Variants in SGIP1 observed in about 807,000 individuals in gnomAD.
SGIP1 encodes SH3GL interacting endocytic adaptor 1, also known as SH3-containing GRB2-like protein 3-interacting protein 1.
A neutral mutation model predicts 107.5 loss-of-function variants in SGIP1; 38 were observed. That is an observed-to-expected ratio of 0.35 (90% CI 0.27 to 0.46). The LOEUF is 0.46. SGIP1 is among the 20% of genes least tolerant of loss of function. SGIP1 has a pLI of 1.00. For synonymous variants in SGIP1, 365 were observed against 366.1 expected (o/e 1.00, Z 0.03); for missense variants, 929 against 1,019.5 (o/e 0.91, Z 1.21).
At position 66,741,426 on chromosome 1, in the gene SGIP1, G is replaced by A; in HGVS notation, c.2454G>A (p.Arg818=). 6.3e-7 allele frequency: 1 copy of A among 1,577,194 alleles called. No individual in the cohort carries two copies. The part of the protein sequence containing the change: ...AGYRFSLIKK[R]FAAGKYLADN ...ATCGATTTTCACTCATCAAGAAAAGGTTTGCTGCAGGTAAATGAGTATCTT... is the reference window on the plus strand; with the variant it reads ...ATCGATTTTCACTCATCAAGAAAAGATTTGCTGCAGGTAAATGAGTATCTT... The change falls in exon 24 of 25, where the codon AGG becomes AGA. Residue 818 remains arginine, a synonymous_variant. Coordinates refer to ENST00000371037, the MANE Select transcript of SGIP1 (RefSeq NM_032291.4).
chr1:66,717,698 T>C (rs2093322020), intron 18 of SGIP1, among the ~76,000 whole-genome samples: 1 of 152,174 alleles, frequency 6.6e-6, no homozygotes, highest in Non-Finnish European at 1.5e-5. Context: ...GTGCCAATCT[T>C]AAACTTTATG....
At chr1:66,728,311 A>G (rs922758384) in intron 19 of SGIP1, among the ~76,000 whole-genome samples, 2 of 152,238 alleles carry the variant, frequency 1.3e-5, no homozygotes, top group Non-Finnish European at 2.9e-5. Flanking sequence ...CCAAAGATTC[A>G]GAAATCAAAG....
chr1:66,647,366 T>C (rs1307191742), intron 7 of SGIP1, among the ~76,000 whole-genome samples: 1 of 152,182 alleles, frequency 6.6e-6, no homozygotes, highest in Non-Finnish European at 1.5e-5. Flanking sequence ...CAGATCCCAC[T>C]GCCACAATTT....
chr1:66,575,760 G>T (rs2060975625), intron 1 of SGIP1, among the ~76,000 whole-genome samples: 1 of 152,152 alleles, frequency 6.6e-6, no homozygotes, highest in African/African-American at 2.4e-5. Flanking sequence ...TCCATTCACA[G>T]CTAGAATCTG....
At chr1:66,640,886 A>C (rs984058822) in intron 5 of SGIP1, among the ~76,000 whole-genome samples, 2 of 152,126 alleles carry the variant, frequency 1.3e-5, no homozygotes, top group Admixed American at 6.6e-5. Context: ...AAAATACTGT[A>C]TGATCTTGCT....
chr1:66,553,231 G>A (rs1459453215), intron 1 of SGIP1, among the ~76,000 whole-genome samples: 3 of 152,132 alleles, frequency 2.0e-5, no homozygotes, highest in African/African-American at 7.2e-5. Context: ...AACTTTATAT[G>A]CATGCGGGGA....
chr1:66,565,765 T>C (rs1226431199), intron 1 of SGIP1, among the ~76,000 whole-genome samples: 1 of 152,032 alleles, frequency 6.6e-6, no homozygotes, highest in Admixed American at 6.6e-5. Context: ...CACACTTTTG[T>C]TCACCTCCCT....
At chr1:66,642,696 A>T (rs2076998672) in intron 5 of SGIP1, 114 bp from the exon 6 acceptor site, 1 of 788,018 alleles carries the variant, frequency 1.3e-6, no homozygotes, top group African/African-American at 1.8e-5. Flanking sequence ...TAAAAACTTC[A>T]TCTCCTAAAA....
chr1:66,681,804 C>T, intron 14 of SGIP1, 65 bp from the exon 15 acceptor site: 1 of 1,517,748 alleles, frequency 6.6e-7, no homozygotes, highest in Non-Finnish European at 8.9e-7. Flanking sequence ...TCTTTGCCTC[C>T]CTCCCTCACT....
At chr1:66,621,633 C>T (rs767774779) in intron 1 of SGIP1, among the ~76,000 whole-genome samples, 2 of 152,212 alleles carry the variant, frequency 1.3e-5, no homozygotes, top group Non-Finnish European at 2.9e-5. Context: ...TGTCAACCTC[C>T]AATCTGCTTT....
At chr1:66,631,095 GAAAGAAAA>G (rs1220953643) in intron 2 of SGIP1, among the ~76,000 whole-genome samples, 168 of 136,564 alleles carry the variant, frequency 1.2e-3, no homozygotes, top group African/African-American at 2.3e-3. Flanking sequence ...AAGAAAGAAA[GAAAGAAAA>G]AAAGAAAGAC....
chr1:66,593,806 T>A (rs2064099455), intron 1 of SGIP1, among the ~76,000 whole-genome samples: 1 of 152,162 alleles, frequency 6.6e-6, no homozygotes, highest in African/African-American at 2.4e-5. Context: ...TGCGGCCCAT[T>A]TCGGGTCCTC....
chr1:66,697,477 G>C (rs2091147366), intron 18 of SGIP1, among the ~76,000 whole-genome samples: 1 of 152,114 alleles, frequency 6.6e-6, no homozygotes, highest in African/African-American at 2.4e-5. Flanking sequence ...CTTTGTTCAA[G>C]TTTAAGTATA....
intron 13 of SGIP1, among the ~76,000 whole-genome samples, chr1:66,677,414 A>T (rs950555361): frequency 2.6e-5 from 4 of 152,256 alleles, no homozygotes; most frequent in African/African-American, 9.6e-5. Context: ...AAACTACTGC[A>T]TTCCAGGCAT....
In SGIP1 at chr1:66,659,123, C is replaced by T. The variant is rs116173919; in HGVS notation, c.460-1390C>T. Among the ~76,000 whole-genome samples, 256 of 152,194 alleles carry T rather than the reference C, an allele frequency of 1.7e-3. 1 individual carries two copies. Among genetic ancestry groups the T allele is most frequent in the African/African-American group, 6.0e-3 (248 of 41,536 alleles). ...AGAATGGAGTTGGCATTCTATTTTC[C>T]GGATAATAAGGAGGTTTTTTAAGGG... On this transcript the variant is annotated intron_variant, in intron 7 of 24. Transcript: ENST00000371037.
intron 2 of SGIP1, among the ~76,000 whole-genome samples, chr1:66,627,044 G>A (rs1252049432): frequency 6.6e-6 from 1 of 152,024 alleles, no homozygotes; most frequent in Non-Finnish European, 1.5e-5. Context: ...ATAAATTATT[G>A]TTTGTACAAC....
rs1436445196 is a variant in SGIP1 at position 66,746,235 on chromosome 1, AG to A, written c.*3141del. 6.6e-6 allele frequency: 1 copy of A among 152,124 alleles called. No homozygotes were observed. The highest frequency in any genetic ancestry group is 1.5e-5 in the Non-Finnish European group (1 of 67,982). 9.4% of individuals were successfully genotyped at this position (152,124 alleles called of 1,614,324 possible). A position where few individuals can be genotyped will look rare whatever the true frequency, so the allele number is the denominator to read the frequency against. ...TATTGGACAAATCACTGCCCTTTTC[AG>A]TTTCTCATCTTTAGAATGGGGAGTT... On this transcript the variant is annotated 3_prime_UTR_variant, in exon 25 of 25. Transcript: ENST00000371037.
chr1:66,605,514 T>C (rs1439798634), intron 1 of SGIP1, among the ~76,000 whole-genome samples: 2 of 151,942 alleles, frequency 1.3e-5, no homozygotes, highest in Non-Finnish European at 1.5e-5. Context: ...TTAAGGGGAT[T>C]GATGCCTCAG....
chr1:66,634,166 ACT>A (rs2075341992), intron 3 of SGIP1: 1 of 1,607,658 alleles, frequency 6.2e-7, no homozygotes, highest in East Asian at 2.2e-5. Context: ...TGTCTCAGGT[ACT>A]CTCTGCTTCT....
Sources: gnomAD v4.1 joint callset for allele counts (sites outside exome capture counted in the v4.1 genomes callset) on GRCh38, gnomAD v4.1.1 for gene constraint, MANE v1.5 for transcripts, NCBI Gene and HGNC (gene_info 2026-07-23, HGNC 2026-07-21) for gene names.